Variants in INSYN2B observed in about 807,000 individuals in gnomAD.
INSYN2B encodes inhibitory synaptic factor family member 2B, also known as protein INSYN2B.
Under a neutral mutation model 41.2 loss-of-function variants are expected in INSYN2B, and 16 were observed. That is an observed-to-expected ratio of 0.39 (90% confidence interval 0.26 to 0.59). INSYN2B has a LOEUF of 0.59. INSYN2B is among the 20% of genes least tolerant of loss of function. The pLI is 0.57. For synonymous variants in INSYN2B, 245 were observed against 244.4 expected (o/e 1.00, Z -0.02); for missense variants, 608 against 646.4 (o/e 0.94, Z 0.64).
At chr5:169,895,788 TG>T (rs1304445632) in intron 1 of INSYN2B, among the ~76,000 whole-genome samples, 2 of 152,196 alleles carry the variant, frequency 1.3e-5, no homozygotes, top group Non-Finnish European at 2.9e-5. Context: ...ATCTCATATC[TG>T]GGTTCTCAGT....
intron 1 of INSYN2B, among the ~76,000 whole-genome samples, chr5:169,894,087 C>T (rs1175751088): frequency 6.6e-6 from 1 of 152,130 alleles, no homozygotes; most frequent in Non-Finnish European, 1.5e-5. Flanking sequence ...TCCAGTGACC[C>T]CTTGCTTGTC....
intron 3 of INSYN2B, among the ~76,000 whole-genome samples, chr5:169,874,234 G>A (rs902737024): frequency 9.2e-5 from 14 of 151,994 alleles, no homozygotes; most frequent in African/African-American, 3.4e-4. Flanking sequence ...CCAACATGGT[G>A]AAACCCCGTC....
intron 1 of INSYN2B, among the ~76,000 whole-genome samples, chr5:169,896,815 G>A (rs1217913189): frequency 6.6e-6 from 1 of 152,052 alleles, no homozygotes. Context: ...ATGTAGAAGA[G>A]GATAAATGTT....
At position 169,947,560 on chromosome 5, in the gene INSYN2B, G is replaced by C. The variant is rs551623272; in HGVS notation, c.-919+32717C>G. Reference sequence around the variant, plus strand: ...GTGAGGGTTCAGGGCATCTGCCCTGGCATCTGGGCCTTTCTGACCCTCCAC... The same window carrying C: ...GTGAGGGTTCAGGGCATCTGCCCTGCCATCTGGGCCTTTCTGACCCTCCAC... On this transcript the variant is annotated intron_variant, in intron 1 of 3. Coordinates refer to ENST00000377365, the MANE Select transcript of INSYN2B (RefSeq NM_001129891.3). Among the ~76,000 whole-genome samples the C allele has an allele frequency of 2.0e-4, 30 of 152,276 alleles. No homozygotes were observed. The South Asian group carries it at 6.0e-3, about 31-fold the overall frequency.
chr5:169,906,269 T>C (rs998677822), intron 1 of INSYN2B, among the ~76,000 whole-genome samples: 4 of 152,124 alleles, frequency 2.6e-5, no homozygotes, highest in African/African-American at 4.8e-5. Context: ...TTTCCTCATA[T>C]GTAAAATGAG....
intron 1 of INSYN2B, among the ~76,000 whole-genome samples, chr5:169,975,534 G>A (rs1402011749): frequency 6.6e-6 from 1 of 152,066 alleles, no homozygotes; most frequent in Non-Finnish European, 1.5e-5. Context: ...CAGCTCCTCC[G>A]ACGCTCCAAG....
intron 3 of INSYN2B, among the ~76,000 whole-genome samples, chr5:169,876,445 G>T (rs750999841): frequency 2.9e-4 from 44 of 152,332 alleles, no homozygotes; most frequent in Non-Finnish European, 5.1e-4. Flanking sequence ...CCAGAGAAGG[G>T]AGATATTTTC....
chr5:169,901,366 A>C (rs899799781), intron 1 of INSYN2B, among the ~76,000 whole-genome samples: 1 of 152,160 alleles, frequency 6.6e-6, no homozygotes, highest in Admixed American at 6.6e-5. Context: ...AGGCCACATT[A>C]AGTCTTTTGG....
In INSYN2B at chr5:169,949,113, C is replaced by T. The variant is rs377195290; in HGVS notation, c.-919+31164G>A. 1.9e-3 allele frequency among the ~76,000 whole-genome samples: 282 copies of T among 152,256 alleles called. 6 individuals carry two copies. In the South Asian group the frequency reaches 0.049, roughly 26 times the overall value. On this transcript the variant is annotated intron_variant, in intron 1 of 3. Transcript: ENST00000377365. ...GGATAAAAGTGTATAGCCCTGTATTCGAATTTCCTTGGCATCTTTTTGAAT... is the reference window on the plus strand; with the variant it reads ...GGATAAAAGTGTATAGCCCTGTATTTGAATTTCCTTGGCATCTTTTTGAAT...
At chr5:169,934,663 T>C (rs1250347519) in intron 1 of INSYN2B, 1 of 456,278 alleles carries the variant, frequency 2.2e-6, no homozygotes, top group South Asian at 1.5e-5. Flanking sequence ...ATGCAGCTGA[T>C]GATAGGACTG....
At chr5:169,972,917 T>A (rs1023145715) in intron 1 of INSYN2B, among the ~76,000 whole-genome samples, 1 of 152,104 alleles carries the variant, frequency 6.6e-6, no homozygotes, top group Non-Finnish European at 1.5e-5. Context: ...CCCTCCCCAA[T>A]AAGCTGTTAG....
chr5:169,951,856 T>G (rs750157701), intron 1 of INSYN2B, among the ~76,000 whole-genome samples: 24 of 152,256 alleles, frequency 1.6e-4, no homozygotes, highest in Non-Finnish European at 2.8e-4. Flanking sequence ...TTTAGGAAAC[T>G]TGCCCAAGAT....
In INSYN2B at chr5:169,874,552, C is replaced by G. The variant is rs968083933; in HGVS notation, c.1421+6816G>C. On this transcript the variant is annotated intron_variant, in intron 3 of 3. Coordinates refer to ENST00000377365, the MANE Select transcript of INSYN2B (RefSeq NM_001129891.3). ...TTCCCAAGCAAGGGGTGACCATACC[C>G]CTATCCTGAAGTGGGAATGTAGTGG... 2.0e-5 allele frequency among the ~76,000 whole-genome samples: 3 copies of G among 152,098 alleles called. No individual in the cohort carries two copies. The East Asian group carries it at 5.8e-4, about 29-fold the overall frequency.
At chr5:169,922,261 AT>A (rs1171681860) in intron 1 of INSYN2B, among the ~76,000 whole-genome samples, 1 of 152,232 alleles carries the variant, frequency 6.6e-6, no homozygotes, top group African/African-American at 2.4e-5. Context: ...GAATTATCTC[AT>A]CTTATGGAGG....
chr5:169,977,572 CA>C, intron 1 of INSYN2B, among the ~76,000 whole-genome samples: 1 of 152,312 alleles, frequency 6.6e-6, no homozygotes, highest in Admixed American at 6.5e-5. Flanking sequence ...CTCGAGGTCA[CA>C]AAACTAGTAA....
Position 169,883,242 on chromosome 5 carries a change from A to C in INSYN2B, c.657T>G (p.Ser219=). ...CAGCTGACCTGTCTGGGCTGAGAGC[A>C]GACTCTCTAGCTTCCCAGGAAGGAC... ...YHSPSWEARE[S]ALSPDRSAEV... The change falls in exon 2 of 4, where the codon TCT becomes TCG. Residue 219 remains serine, a synonymous_variant. Transcript: ENST00000377365. The C allele has an allele frequency of 1.3e-6, 2 of 1,551,640 alleles. No individual in the cohort carries two copies. Among genetic ancestry groups the C allele is most frequent in the Non-Finnish European group, 1.7e-6 (2 of 1,146,952 alleles).
At chr5:169,911,556 A>C (rs1237585518) in intron 1 of INSYN2B, among the ~76,000 whole-genome samples, 1 of 152,240 alleles carries the variant, frequency 6.6e-6, no homozygotes, top group Non-Finnish European at 1.5e-5. Flanking sequence ...ATAAAACTTT[A>C]GGAGTAATTA....
intron 1 of INSYN2B, among the ~76,000 whole-genome samples, chr5:169,898,510 C>A (rs1336005360): frequency 6.6e-6 from 1 of 151,514 alleles, no homozygotes; most frequent in East Asian, 1.9e-4. Context: ...GTATCCTCTA[C>A]ATGCACACAC....
At chr5:169,925,579 TAAA>T (rs34833916) in intron 1 of INSYN2B, among the ~76,000 whole-genome samples, 2 of 80,260 alleles carry the variant, frequency 2.5e-5, no homozygotes, top group African/African-American at 5.1e-5. Context: ...GACTCTGTCT[TAAA>T]AAAAAAAAAA....
Sources: gnomAD v4.1 joint callset for allele counts (sites outside exome capture counted in the v4.1 genomes callset) on GRCh38, gnomAD v4.1.1 for gene constraint, MANE v1.5 for transcripts, NCBI Gene and HGNC (gene_info 2026-07-23, HGNC 2026-07-21) for gene names.